Variants in PPCDC observed in about 807,000 individuals in gnomAD.
PPCDC encodes phosphopantothenoylcysteine decarboxylase.
In PPCDC, 20 loss-of-function variants were observed where a neutral mutation model predicts 20.7. The observed-to-expected ratio is 0.97, with a 90% CI of 0.68 to 1.41. The LOEUF (loss-of-function observed/expected upper bound fraction) is 1.41. Among genes scored for constraint, PPCDC ranks in the 40% most tolerant of loss-of-function variants. The probability of loss-of-function intolerance (pLI) is 0.00; values close to 1 mark genes in which losing one functional copy is unlikely to be tolerated. For synonymous variants in PPCDC, 88 were observed against 100.3 expected (o/e 0.88, Z 0.73); for missense variants, 246 against 263.8 (o/e 0.93, Z 0.47).
chr15:75,025,114 A>G (rs187313310), intron 1 of PPCDC, among the ~76,000 whole-genome samples: 13 of 152,082 alleles, frequency 8.5e-5, no homozygotes, highest in East Asian at 1.9e-4. Flanking sequence ...GGGTCTTGCT[A>G]TGTTACCCAG....
intron 2 of PPCDC, among the ~76,000 whole-genome samples, chr15:75,036,282 C>T (rs146879048): frequency 6.6e-6 from 1 of 152,290 alleles, no homozygotes; most frequent in Non-Finnish European, 1.5e-5. Flanking sequence ...TTAATGTGTA[C>T]AGGGCCCAGC....
chr15:75,032,599 T>A (rs953963496), intron 2 of PPCDC, among the ~76,000 whole-genome samples: 1 of 152,090 alleles, frequency 6.6e-6, no homozygotes, highest in Non-Finnish European at 1.5e-5. Flanking sequence ...TTATGATTTA[T>A]GGGACAATCT....
chr15:75,028,384 G>A lies in PPCDC; in HGVS notation c.66G>A (p.Val22=). The change falls in exon 2 of 6, where the codon GTG becomes GTA. Residue 22 remains valine (V), a synonymous_variant. Transcript: ENST00000342932. ...PLMERKFHVL[V]GVTGSVAALK... is the part of the protein sequence containing the mutation. Reference sequence around the variant, plus strand: ...TGGAGAGAAAATTCCATGTTCTTGTGGGTGTCACGGGGAGTGTCGCAGCCC... The same window carrying A: ...TGGAGAGAAAATTCCATGTTCTTGTAGGTGTCACGGGGAGTGTCGCAGCCC... 6.2e-7 allele frequency: 1 copy of A among 1,614,194 alleles called. No homozygotes were observed. Among genetic ancestry groups the A allele is most frequent in the Non-Finnish European group, 8.5e-7 (1 of 1,180,024 alleles).
rs1301898840 is a variant in PPCDC, at chr15:75,028,473, A to C, written c.135+20A>C. On this transcript the variant is annotated intron_variant, in intron 2 of 5. Transcript: ENST00000342932. ...CCTGGGGTGAGTATCCTCACCAGAT[A>C]AGCATGGCAGCCTCCGGCATGGGAG... is the stretch of plus-strand genomic sequence containing the variant. 3.7e-6 allele frequency: 6 copies of C among 1,613,982 alleles called. No homozygotes were observed.
At chr15:75,041,208 G>A (rs187977671) in intron 2 of PPCDC, among the ~76,000 whole-genome samples, 37 of 152,326 alleles carry the variant, frequency 2.4e-4, no homozygotes, top group African/African-American at 8.2e-4. Flanking sequence ...TGGCCCAGTG[G>A]CATCTCCAGG....
intron 1 of PPCDC, among the ~76,000 whole-genome samples, chr15:75,027,143 G>T (rs1021757232): frequency 1.3e-5 from 2 of 152,150 alleles, no homozygotes; most frequent in Non-Finnish European, 2.9e-5. Flanking sequence ...TCACCAAAAA[G>T]GTGCATCCCA....
chr15:75,032,955 C>T (rs781671871), intron 2 of PPCDC, among the ~76,000 whole-genome samples: 16 of 152,182 alleles, frequency 1.1e-4, no homozygotes, highest in Non-Finnish European at 1.9e-4. Context: ...CGTGCCATCA[C>T]ACTCTGCTAA....
chr15:75,048,657 G>T lies in PPCDC; in HGVS notation c.465G>T (p.Gln155His). The change falls in exon 5 of 6, where the codon CAG becomes CAT. Residue 155 changes from glutamine (Q) to histidine (H), a missense_variant. By Grantham distance (24) the Gln-to-His change is conservative. Around this residue, in one of 2 missense-constraint regions of PPCDC, gnomAD observed 225 missense variants for 222.6 expected, o/e 1.01. Transcript: ENST00000342932. ...EHPITAQQVDQLKAFGYVEIP... is the reference protein window; with the variant it reads ...EHPITAQQVDHLKAFGYVEIP... Reference sequence around the variant, plus strand: ...CGATCACAGCGCAGCAGGTAGACCAGCTCAAGGCCTTTGGCTATGTCGAGA... The same window carrying T: ...CGATCACAGCGCAGCAGGTAGACCATCTCAAGGCCTTTGGCTATGTCGAGA... The T allele has an allele frequency of 6.2e-7, 1 of 1,614,248 alleles. No individual in the cohort carries two copies. Among genetic ancestry groups the T allele is most frequent in the Non-Finnish European group, 8.5e-7 (1 of 1,180,038 alleles).
Position 75,028,376 on chromosome 15 carries a change from G to A in PPCDC, c.58G>A (p.Val20Ile). The change falls in exon 2 of 6, where the codon GTT becomes ATT. Residue 20 changes from valine (V) to isoleucine (I), a missense_variant. This residue lies in a region of PPCDC where 225 missense variants were observed against 222.6 expected (regional missense o/e 1.01). Transcript: ENST00000342932. ...ACCCTTGATGGAGAGAAAATTCCAT[G>A]TTCTTGTGGGTGTCACGGGGAGTGT... ...AAPLMERKFH[V>I]LVGVTGSVAA... The A allele has an allele frequency of 6.2e-7, 1 of 1,614,196 alleles. No individual in the cohort carries two copies. Among genetic ancestry groups the A allele is most frequent in the Non-Finnish European group, 8.5e-7 (1 of 1,180,024 alleles).
At position 75,043,295 on chromosome 15, in the gene PPCDC, G is replaced by C. The variant is rs2066176745; in HGVS notation, c.136-146G>C. 7 of 644,008 alleles carry C rather than the reference G, an allele frequency of 1.1e-5. No homozygotes were observed. The South Asian group carries it at 1.2e-4, about 11-fold the overall frequency. The allele number at this position is 644,008 out of a possible 1,614,324, so 39.9% of individuals were successfully genotyped here. A position where few individuals can be genotyped will look rare whatever the true frequency, so the allele number is the denominator to read the frequency against. ...GCAGAAGTAGCTAAGCAGACATGAG[G>C]CTTGCAGCTAAGGAGGGAAGTCCTC... is the stretch of plus-strand genomic sequence containing the variant. On this transcript the variant is annotated intron_variant, in intron 2 of 5. Transcript: ENST00000342932.
intron 1 of PPCDC, among the ~76,000 whole-genome samples, chr15:75,027,147 C>T (rs968881624): frequency 1.3e-5 from 2 of 152,190 alleles, no homozygotes; most frequent in Non-Finnish European, 2.9e-5. Flanking sequence ...CAAAAAGGTG[C>T]ATCCCAGGGA....
intron 3 of PPCDC, chr15:75,043,807 C>T (rs1421601656): frequency 2.3e-6 from 1 of 426,438 alleles, no homozygotes; most frequent in Non-Finnish European, 4.3e-6. Flanking sequence ...GATGAAACCA[C>T]AGAGGAGCTC....
intron 2 of PPCDC, among the ~76,000 whole-genome samples, chr15:75,032,241 A>T (rs1343124618): frequency 6.6e-6 from 1 of 152,208 alleles, no homozygotes; most frequent in African/African-American, 2.4e-5. Flanking sequence ...CAGAGCCAAA[A>T]GGGGATTTCT....
intron 2 of PPCDC, among the ~76,000 whole-genome samples, chr15:75,035,696 G>C (rs2066076270): frequency 6.6e-6 from 1 of 152,184 alleles, no homozygotes; most frequent in Non-Finnish European, 1.5e-5. Context: ...GCTGAGCGTG[G>C]TGGTTCACAC....
intron 3 of PPCDC, chr15:75,043,744 G>C: frequency 1.8e-6 from 1 of 570,252 alleles, no homozygotes; most frequent in Non-Finnish European, 3.1e-6. Flanking sequence ...CCCAGGCAGA[G>C]CTGGGCTTTG....
intron 4 of PPCDC, among the ~76,000 whole-genome samples, chr15:75,046,982 C>T (rs2066244226): frequency 6.6e-6 from 1 of 152,260 alleles, no homozygotes; most frequent in South Asian, 2.1e-4. Context: ...ATGTGAATTC[C>T]CAGGGGCAGA....
intron 2 of PPCDC, among the ~76,000 whole-genome samples, chr15:75,038,425 T>G (rs1203512912): frequency 1.3e-5 from 2 of 152,158 alleles, no homozygotes; most frequent in Non-Finnish European, 2.9e-5. Flanking sequence ...CCAACTCTGG[T>G]GAGGGGAAGT....
At chr15:75,037,519 T>C (rs2066099829) in intron 2 of PPCDC, among the ~76,000 whole-genome samples, 1 of 151,824 alleles carries the variant, frequency 6.6e-6, no homozygotes, top group Admixed American at 6.6e-5. Flanking sequence ...GGCAGAGGCA[T>C]GTGGATTGCC....
chr15:75,049,396 C>T lies in PPCDC; in HGVS notation c.*161C>T, dbSNP rs1055534255. Reference sequence around the variant, plus strand: ...CAGGCCTGCTCCAGGTTAAACTGGACGGAAGGCCCAGGTCTCAGTTTCTTT... The same window carrying T: ...CAGGCCTGCTCCAGGTTAAACTGGATGGAAGGCCCAGGTCTCAGTTTCTTT... On this transcript the variant is annotated 3_prime_UTR_variant, in exon 6 of 6. Transcript: ENST00000342932. 67 of 661,074 alleles carry T rather than the reference C, an allele frequency of 1.0e-4. No individual in the cohort carries two copies. The highest frequency in any genetic ancestry group is 3.5e-4 in the Middle Eastern group (1 of 2,862). The allele number at this position is 661,074 out of a possible 1,614,324, so 41.0% of individuals were successfully genotyped here.
Sources: gnomAD v4.1 joint callset for allele counts (sites outside exome capture counted in the v4.1 genomes callset) on GRCh38, gnomAD v4.1.1 for gene constraint, gnomAD v4.1.1 regional missense constraint, MANE v1.5 for transcripts, NCBI Gene and HGNC (gene_info 2026-07-23, HGNC 2026-07-21) for gene names.